Variants in KIF16B observed in about 807,000 individuals in gnomAD.
KIF16B encodes kinesin family member 16B.
A neutral mutation model predicts 156.3 loss-of-function variants in KIF16B; 98 were observed. That is an observed-to-expected ratio of 0.63 (90% confidence interval 0.53 to 0.74). KIF16B has a LOEUF of 0.74. Ranked by LOEUF, KIF16B falls within the 30% of genes least tolerant of loss-of-function variation. KIF16B has a pLI of 0.00. For synonymous variants in KIF16B, 564 were observed against 583.7 expected, an observed-to-expected ratio of 0.97 and a Z score of 0.49; for missense variants, 1,421 against 1,606.5, an observed-to-expected ratio of 0.88 and a Z score of 1.97.
chr20:16,407,375 G>A (rs1302939827), intron 15 of KIF16B, among the ~76,000 whole-genome samples: 1 of 152,104 alleles, frequency 6.6e-6, no homozygotes, highest in Admixed American at 6.6e-5. Flanking sequence ...AATGCCTCAG[G>A]GCATCAATGA....
chr20:16,313,025 A>C (rs372628009), intron 24 of KIF16B, among the ~76,000 whole-genome samples: 1 of 152,294 alleles, frequency 6.6e-6, no homozygotes, highest in East Asian at 1.9e-4. Context: ...GCCTGATCTT[A>C]GCATTTCATA....
intron 19 of KIF16B, among the ~76,000 whole-genome samples, chr20:16,378,022 G>T (rs2064995363): frequency 6.6e-6 from 1 of 152,220 alleles, no homozygotes; most frequent in East Asian, 1.9e-4. Context: ...TGTTGGTTCG[G>T]TTGACTGTTT....
intron 17 of KIF16B, among the ~76,000 whole-genome samples, chr20:16,385,186 T>A (rs552776133): frequency 6.8e-6 from 1 of 146,558 alleles, no homozygotes; most frequent in East Asian, 2.0e-4. Context: ...GACAAGAGCG[T>A]AACTCTGTCT....
chr20:16,357,561 A>C (rs1056163779), intron 22 of KIF16B, among the ~76,000 whole-genome samples: 1 of 152,202 alleles, frequency 6.6e-6, no homozygotes, highest in Non-Finnish European at 1.5e-5. Context: ...TGAGAATTCC[A>C]TGGTTATGCA....
intron 1 of KIF16B, among the ~76,000 whole-genome samples, chr20:16,569,335 T>G (rs1012404927): frequency 9.2e-5 from 14 of 152,318 alleles, no homozygotes; most frequent in African/African-American, 3.4e-4. Context: ...GCTGCAAAGA[T>G]TAAACTGGAT....
chr20:16,570,292 A>T (rs1257334676), intron 1 of KIF16B, among the ~76,000 whole-genome samples: 1 of 152,206 alleles, frequency 6.6e-6, no homozygotes, highest in East Asian at 1.9e-4. Context: ...GTAGAAATGA[A>T]ATGGTCAAAT....
intron 23 of KIF16B, among the ~76,000 whole-genome samples, chr20:16,350,431 T>A (rs971787019): frequency 6.6e-6 from 1 of 151,580 alleles, no homozygotes; most frequent in East Asian, 2.0e-4. Flanking sequence ...TACCTCTCTG[T>A]TAAGGAAAGC....
intron 17 of KIF16B, among the ~76,000 whole-genome samples, chr20:16,401,507 A>T (rs1056510290): frequency 6.6e-6 from 1 of 152,184 alleles, no homozygotes. Context: ...TCCCAAAGGG[A>T]CTCAGGTGTC....
At chr20:16,568,819 CAAAAAAAAAAAAAAAAAAA>C (rs57421025) in intron 1 of KIF16B, among the ~76,000 whole-genome samples, 1 of 55,484 alleles carries the variant, frequency 1.8e-5, no homozygotes, top group East Asian at 8.2e-4. Flanking sequence ...GACCCTGTCT[CAAAAAAAAAAAAAAAAAAA>C]AAAAAAAAAA....
intron 25 of KIF16B, among the ~76,000 whole-genome samples, chr20:16,276,616 G>A (rs1330960718): frequency 6.6e-6 from 1 of 152,112 alleles, no homozygotes; most frequent in Non-Finnish European, 1.5e-5. Flanking sequence ...AGTCTGTTAA[G>A]ATGAGGCATG....
At chr20:16,291,047 T>C (rs1007417019) in intron 25 of KIF16B, among the ~76,000 whole-genome samples, 3 of 152,232 alleles carry the variant, frequency 2.0e-5, no homozygotes, top group Admixed American at 6.5e-5. Flanking sequence ...ATTGAATACA[T>C]GTACATCCAG....
chr20:16,567,437 T>G (rs140834377), intron 1 of KIF16B, among the ~76,000 whole-genome samples: 1 of 152,238 alleles, frequency 6.6e-6, no homozygotes, highest in East Asian at 1.9e-4. Flanking sequence ...GTACACAGAT[T>G]CTATTGTTAT....
chr20:16,413,862 T>C (rs928826975), intron 15 of KIF16B, among the ~76,000 whole-genome samples: 2 of 151,770 alleles, frequency 1.3e-5, no homozygotes, highest in African/African-American at 4.9e-5. Context: ...TACAATTTTC[T>C]GAAATGGTAT....
intron 12 of KIF16B, among the ~76,000 whole-genome samples, chr20:16,455,568 G>A (rs946953841): frequency 2.0e-5 from 3 of 152,016 alleles, no homozygotes; most frequent in Admixed American, 2.0e-4. Flanking sequence ...ATCAACTGTT[G>A]TCAAGACCAA....
chr20:16,407,085 T>G (rs2065804872), intron 15 of KIF16B, among the ~76,000 whole-genome samples: 1 of 152,196 alleles, frequency 6.6e-6, no homozygotes, highest in Admixed American at 6.5e-5. Flanking sequence ...GTCTTCCTTA[T>G]TCAGAAAACA....
intron 12 of KIF16B, among the ~76,000 whole-genome samples, chr20:16,485,183 C>A (rs1490180193): frequency 1.3e-5 from 2 of 152,178 alleles, no homozygotes; most frequent in African/African-American, 4.8e-5. Context: ...TCATCCCCAG[C>A]TGACATCAAG....
rs1196472488 is a variant in KIF16B at position 16,460,737 on chromosome 20, G to GA, written c.1303-30756dup. Among the ~76,000 whole-genome samples the GA allele has an allele frequency of 3.3e-5, 5 of 149,578 alleles. No individual in the cohort carries two copies. In the East Asian group the frequency reaches 5.9e-4, roughly 18 times the overall value. ...CACTGATAGGAAGCAACGAAAACCA[G>GA]AAAAAAAAAGTATTATGTTTATTAA... On this transcript the variant is annotated intron_variant, in intron 12 of 25. Coordinates refer to ENST00000354981, the MANE Select transcript of KIF16B (RefSeq NM_024704.5).
At chr20:16,469,302 T>C (rs780723446) in intron 12 of KIF16B, among the ~76,000 whole-genome samples, 1 of 109,632 alleles carries the variant, frequency 9.1e-6, no homozygotes, top group Non-Finnish European at 2.0e-5. Context: ...CAGACCACGA[T>C]AGAATTAAAC....
chr20:16,541,842 C>T (rs1229560877), intron 1 of KIF16B, among the ~76,000 whole-genome samples: 1 of 152,192 alleles, frequency 6.6e-6, no homozygotes, highest in African/African-American at 2.4e-5. Context: ...CGTGGCCCTT[C>T]AGAGTTGCCA....
Sources: gnomAD v4.1 joint callset for allele counts (sites outside exome capture counted in the v4.1 genomes callset) on GRCh38, gnomAD v4.1.1 for gene constraint, MANE v1.5 for transcripts, NCBI Gene and HGNC (gene_info 2026-07-23, HGNC 2026-07-21) for gene names.